MROH2A: variants seen among roughly 807,000 people sequenced by gnomAD.
The protein encoded by MROH2A is maestro heat-like repeat-containing protein family member 2A.
In MROH2A, 174 loss-of-function variants were observed where a neutral mutation model predicts 200.4. That is an observed-to-expected ratio of 0.87 (90% confidence interval 0.77 to 0.98). The LOEUF (loss-of-function observed/expected upper bound fraction) is 0.98, where lower values mean the gene tolerates loss of function less well. Ranked by LOEUF, MROH2A falls within the 50% of genes least tolerant of loss-of-function variation. MROH2A has a pLI of 0.00. For synonymous variants in MROH2A, 829 were observed against 840.4 expected, an observed-to-expected ratio of 0.99 and a Z score of 0.23; for missense variants, 2,045 against 2,139.6, an observed-to-expected ratio of 0.96 and a Z score of 0.87.
At chr2:233,788,528 G>T (rs980053262) in intron 3 of MROH2A, among the ~76,000 whole-genome samples, 7 of 152,098 alleles carry the variant, frequency 4.6e-5, no homozygotes, top group Non-Finnish European at 8.8e-5. Flanking sequence ...CCCCAAATTT[G>T]CTAAGGATTC....
chr2:233,806,904 C>T (rs541275104), intron 19 of MROH2A, among the ~76,000 whole-genome samples: 5 of 152,178 alleles, frequency 3.3e-5, no homozygotes, highest in Middle Eastern at 3.4e-3. Flanking sequence ...AAGCAGTATA[C>T]GCTGCACCCA....
chr2:233,829,571 C>T (rs1413291379), intron 37 of MROH2A, 49 bp from the exon 38 acceptor site: 2 of 1,354,836 alleles, frequency 1.5e-6, no homozygotes, highest in Non-Finnish European at 9.5e-7. Flanking sequence ...TGGGGTTTTG[C>T]TGGGCTTCCT....
intron 30 of MROH2A, 141 bp downstream of exon 30, chr2:233,819,610 A>G: frequency 1.0e-6 from 1 of 963,902 alleles, no homozygotes; most frequent in Non-Finnish European, 1.5e-6. Flanking sequence ...GGAGGAGGAA[A>G]CAGAGTTCTA....
At chr2:233,777,096 G>T (rs560447542), upstream of MROH2A, among the ~76,000 whole-genome samples, 25 of 152,296 alleles carry the variant, frequency 1.6e-4, no homozygotes, top group African/African-American at 5.8e-4. Flanking sequence ...ACAGACCCAC[G>T]CAGGTGACTC....
At chr2:233,787,681 AC>A (rs1181093669) in intron 3 of MROH2A, among the ~76,000 whole-genome samples, 1 of 56,110 alleles carries the variant, frequency 1.8e-5, no homozygotes, top group Non-Finnish European at 2.9e-5. Flanking sequence ...TATTATATAT[AC>A]ATATATATTA....
rs1403787138 is a variant in MROH2A at position 233,807,215 on chromosome 2, C to G, written c.2053-208C>G. On this transcript the variant is annotated intron_variant, in intron 19 of 41. Coordinates refer to ENST00000389758, the MANE Select transcript of MROH2A (RefSeq NM_001394639.1). The surrounding 1 kb of genome is among the most constrained non-coding windows in gnomAD (Gnocchi z 4.3). ...CTGATATATGTATGTATGTATATAT[C>G]AGTTTCTTTATCCACTCATTGATTG... 6.6e-6 allele frequency among the ~76,000 whole-genome samples: 1 copy of G among 151,892 alleles called. No individual in the cohort carries two copies. The highest frequency in any genetic ancestry group is 1.9e-4 in the East Asian group (1 of 5,188).
chr2:233,794,559 C>A, intron 8 of MROH2A, 53 bp downstream of exon 8: 2 of 983,596 alleles, frequency 2.0e-6, no homozygotes, highest in Non-Finnish European at 3.1e-6. Flanking sequence ...GAATTGGGGG[C>A]TCCCAAGTGT....
rs547422239 is a variant in MROH2A at position 233,832,650 on chromosome 2, T to C, written c.4903+6T>C. ...CTTCCCAGCATTACGGAATTGTGAG[T>C]AGTGGAGAGTGTTAGATGTTGAGTC... is the stretch of plus-strand genomic sequence containing the variant. On this transcript the variant is annotated splice_donor_region_variant and intron_variant, in intron 41 of 41. Coordinates refer to ENST00000389758, the MANE Select transcript of MROH2A (RefSeq NM_001394639.1). The C allele has an allele frequency of 1.3e-6, 2 of 1,542,762 alleles. No individual in the cohort carries two copies. Among genetic ancestry groups the C allele is most frequent in the Non-Finnish European group, 1.8e-6 (2 of 1,140,140 alleles).
chr2:233,823,773 G>A (rs1422631013), intron 35 of MROH2A, 109 bp downstream of exon 35: 17 of 1,382,144 alleles, frequency 1.2e-5, no homozygotes, highest in Admixed American at 1.1e-4. Context: ...GGGGACAGGC[G>A]AGCGCCCCTC....
chr2:233,820,181 G>A lies in MROH2A; in HGVS notation c.3512+125G>A, dbSNP rs1703842701. 7.3e-6 allele frequency: 6 copies of A among 823,430 alleles called. No individual in the cohort carries two copies. Among genetic ancestry groups the A allele is most frequent in the East Asian group, 3.2e-5 (1 of 31,278 alleles). 51.0% of individuals were successfully genotyped at this position (823,430 alleles called of 1,614,324 possible). On this transcript the variant is annotated intron_variant, in intron 31 of 41. Transcript: ENST00000389758. The surrounding 1 kb of genome is among the most constrained non-coding windows in gnomAD (Gnocchi z 4.1). ...ACCCTGCCCCACCCTGAAGGAGGTCGAAGCCCTCTTCCTGTACCTCCTGCA... is the reference window on the plus strand; with the variant it reads ...ACCCTGCCCCACCCTGAAGGAGGTCAAAGCCCTCTTCCTGTACCTCCTGCA...
chr2:233,819,874 C>G, intron 30 of MROH2A, 28 bp from the exon 31 acceptor site: 1 of 1,480,900 alleles, frequency 6.8e-7, no homozygotes. Flanking sequence ...CCTGGGCTGC[C>G]CCCCGGTGAT....
chr2:233,790,363 C>A (rs894596732), intron 5 of MROH2A, among the ~76,000 whole-genome samples: 2 of 146,800 alleles, frequency 1.4e-5, no homozygotes, highest in Non-Finnish European at 3.0e-5. Flanking sequence ...CTCCCTCCCC[C>A]TTTTTCTCCT....
intron 19 of MROH2A, 57 bp downstream of exon 19, chr2:233,805,168 G>A (rs1451561189): frequency 2.7e-5 from 31 of 1,134,578 alleles, no homozygotes; most frequent in South Asian, 6.8e-5. Flanking sequence ...AGGGGTGAGG[G>A]AGTGGAGAGG....
At position 233,804,135 on chromosome 2, in the gene MROH2A, C is replaced by T; in HGVS notation, c.1834C>T (p.Pro612Ser). 3 of 1,550,556 alleles carry T rather than the reference C, an allele frequency of 1.9e-6. No individual in the cohort carries two copies. Among genetic ancestry groups the T allele is most frequent in the Non-Finnish European group, 2.6e-6 (3 of 1,146,988 alleles). ...GAGGACCCTGAGCCAGAGCATCGCA[C>T]CCTCCATGGCCGACATGTGGGAGCT... is the stretch of plus-strand genomic sequence containing the variant. ...LLRTLSQSIA[P>S]SMADMWELEI... The change falls in exon 17 of 42, where the codon CCC (proline) becomes TCC (serine). Residue 612 changes from proline to serine, a missense_variant. Around this residue, in one of 3 missense-constraint regions of MROH2A, gnomAD observed 831 missense variants for 800.0 expected, o/e 1.04. Transcript: ENST00000389758.
intron 39 of MROH2A, 22 bp downstream of exon 39, chr2:233,831,562 C>A: frequency 6.5e-7 from 1 of 1,542,864 alleles, no homozygotes; most frequent in Non-Finnish European, 8.7e-7. Context: ...AAAGGGGGAA[C>A]CAGCCCGTCC....
intron 24 of MROH2A, among the ~76,000 whole-genome samples, chr2:233,812,178 G>A (rs1022689829): frequency 3.3e-5 from 5 of 152,208 alleles, no homozygotes; most frequent in African/African-American, 1.2e-4. Context: ...CAAGTTGGGT[G>A]CTTCTCCTTG....
chr2:233,822,648 GC>G lies in MROH2A; in HGVS notation c.3866+95del, dbSNP rs1704024721. The G allele has an allele frequency of 2.3e-6, 3 of 1,328,296 alleles. No individual in the cohort carries two copies. The South Asian group carries it at 4.1e-5, about 18-fold the overall frequency. The allele number at this position is 1,328,296 out of a possible 1,614,324, so 82.3% of individuals were successfully genotyped here. A position where few individuals can be genotyped will look rare whatever the true frequency, so the allele number is the denominator to read the frequency against. ...AGTTGCCAGTGGACTCCAGTGAGGG[GC>G]CCTCTGTCTCCTCCTGGTGGGATCT... On this transcript the variant is annotated intron_variant, in intron 33 of 41. Coordinates refer to ENST00000389758, the MANE Select transcript of MROH2A (RefSeq NM_001394639.1).
In MROH2A at chr2:233,813,835, C is replaced by T; in HGVS notation, c.2760+57C>T. 5 of 957,926 alleles carry T rather than the reference C, an allele frequency of 5.2e-6. No homozygotes were observed. The South Asian group carries it at 7.4e-5, about 14-fold the overall frequency. 59.3% of individuals were successfully genotyped at this position (957,926 alleles called of 1,614,324 possible). A position where few individuals can be genotyped will look rare whatever the true frequency, so the allele number is the denominator to read the frequency against. On this transcript the variant is annotated intron_variant, in intron 25 of 41. Coordinates refer to ENST00000389758, the MANE Select transcript of MROH2A (RefSeq NM_001394639.1). ...GTCAGGACCTGGGAGTTAACATTAA[C>T]ATGGGCCATGCTGAGAGTCCACCTT...
chr2:233,775,728 C>G (rs1700685776), upstream of MROH2A: 1 of 152,250 alleles, frequency 6.6e-6, no homozygotes, highest in Non-Finnish European at 1.5e-5. Flanking sequence ...GTGAGCCGGG[C>G]AGAATCCACC....
Sources: gnomAD v4.1 joint callset for allele counts (sites outside exome capture counted in the v4.1 genomes callset) on GRCh38, gnomAD v4.1.1 for gene constraint, gnomAD v4.1.1 regional missense constraint, Gnocchi (gnomAD v3.1) non-coding constraint, MANE v1.5 for transcripts, NCBI Gene and HGNC (gene_info 2026-07-23, HGNC 2026-07-21) for gene names.